The following CEP192 variants were observed in gnomAD, a reference collection of about 807,000 sequenced individuals.
CEP192 encodes the protein centrosomal protein of 192 kDa.
Under a neutral mutation model 271.8 loss-of-function variants are expected in CEP192, and 151 were observed. The ratio of observed to expected loss-of-function variants is 0.56; its 90% CI spans 0.49 to 0.64. CEP192 has a LOEUF of 0.64. CEP192 is among the 30% of genes least tolerant of loss of function. The pLI, the probability that CEP192 is intolerant of heterozygous loss-of-function variation, is 0.00. For missense variants in CEP192, 2,910 were observed against 3,020.5 expected, an observed-to-expected ratio of 0.96 and a Z score of 0.86; for synonymous variants, 995 against 1,076.5, an observed-to-expected ratio of 0.92 and a Z score of 1.48.
intron 36 of CEP192, 129 bp from the exon 37 acceptor site, chr18:13,099,347 G>T (rs2039596547): frequency 3.4e-6 from 2 of 585,490 alleles, no homozygotes; most frequent in Non-Finnish European, 5.9e-6. Context: ...ATGGGAGTGA[G>T]CTCTGTTCTC....
chr18:13,084,608 A>G (rs1305998738), intron 30 of CEP192, among the ~76,000 whole-genome samples: 14 of 152,116 alleles, frequency 9.2e-5, no homozygotes, highest in Non-Finnish European at 1.8e-4. Flanking sequence ...GCCCTGCTTC[A>G]GCTCACCCTC....
At chr18:13,030,090 C>T (rs2035531519) in intron 10 of CEP192, 88 bp downstream of exon 10, 1 of 1,054,994 alleles carries the variant, frequency 9.5e-7, no homozygotes, top group South Asian at 1.7e-5. Context: ...ATGTGCCAGT[C>T]TTTCCTGTTG....
At chr18:13,070,099 T>G (rs1020441902) in intron 27 of CEP192, among the ~76,000 whole-genome samples, 1 of 151,848 alleles carries the variant, frequency 6.6e-6, no homozygotes, top group African/African-American at 2.4e-5. Context: ...AGGCGGAGGT[T>G]GCAGTGAGCC....
intron 11 of CEP192, 92 bp downstream of exon 11, chr18:13,030,700 C>A: frequency 1.1e-6 from 1 of 931,418 alleles, no homozygotes; most frequent in Non-Finnish European, 1.6e-6. Flanking sequence ...CACATCAGAT[C>A]CCTTCTGGAC....
At chr18:13,116,624 T>C (rs2040442819) in intron 43 of CEP192, 121 bp downstream of exon 43, 1 of 985,680 alleles carries the variant, frequency 1.0e-6, no homozygotes. Flanking sequence ...AATTTTTCTT[T>C]TTTTGGAGAT....
intron 32 of CEP192, among the ~76,000 whole-genome samples, chr18:13,088,177 C>T (rs920453045): frequency 2.0e-5 from 3 of 152,068 alleles, no homozygotes; most frequent in African/African-American, 7.2e-5. Flanking sequence ...AAATATAGGG[C>T]GGGCTGTGTG....
rs545854471 is a variant in CEP192, at chr18:13,095,668, A to G, written c.6420A>G (p.Val2140=). ...TCCTACCCGAGCACTTGATTCTGGTAGCTCCTTCTCCTTGTGAGTATGTCA... is the reference window on the plus strand; with the variant it reads ...TCCTACCCGAGCACTTGATTCTGGTGGCTCCTTCTCCTTGTGAGTATGTCA... ...WTVLPEHLIL[V]APSPCDMAKT... is the part of the protein sequence containing the mutation. Residue 2140 remains valine, a synonymous_variant, in exon 35 of 45, where the codon GTA becomes GTG. Coordinates refer to ENST00000506447, the MANE Select transcript of CEP192 (RefSeq NM_032142.4). The G allele has an allele frequency of 1.9e-6, 3 of 1,612,794 alleles. No individual in the cohort carries two copies. The South Asian group carries it at 3.3e-5, about 18-fold the overall frequency.
intron 36 of CEP192, among the ~76,000 whole-genome samples, chr18:13,098,089 C>T (rs938853826): frequency 7.2e-5 from 11 of 152,228 alleles, no homozygotes; most frequent in Admixed American, 7.2e-4. Flanking sequence ...AATCTTTTCC[C>T]CACCTTTCCC....
rs752475527 is a variant in CEP192 at position 13,042,243 on chromosome 18, G to A, written c.1976G>A (p.Gly659Glu). The A allele has an allele frequency of 3.7e-6, 6 of 1,612,222 alleles. No individual in the cohort carries two copies. Among genetic ancestry groups the A allele is most frequent in the Middle Eastern group, 1.6e-4 (1 of 6,084 alleles). The change falls in exon 15 of 45, where the codon GGA becomes GAA. Residue 659 changes from glycine (G) to glutamate (E), a missense_variant. By Grantham distance (98) the Gly-to-Glu change is moderately conservative (BLOSUM62 -2). Coordinates refer to ENST00000506447, the MANE Select transcript of CEP192 (RefSeq NM_032142.4). ...CAGTCCCAGGCACAGCTAAGTGAAG[G>A]ATCAATTACACTTCAGGTTGAAGCA... Reference protein sequence around the residue: ...NEQSQAQLSEGSITLQVEAVE... With the variant: ...NEQSQAQLSEESITLQVEAVE...
At chr18:13,091,595 T>C (rs2039149073) in intron 33 of CEP192, among the ~76,000 whole-genome samples, 1 of 152,238 alleles carries the variant, frequency 6.6e-6, no homozygotes, top group African/African-American at 2.4e-5. Flanking sequence ...GCATGTATTT[T>C]TGTAGTTGAT....
Position 13,052,925 on chromosome 18 carries a change from G to T in CEP192, c.3024G>T (p.Ala1008=), listed in dbSNP as rs369556943. The T allele has an allele frequency of 2.5e-6, 4 of 1,603,324 alleles. No homozygotes were observed. Among genetic ancestry groups the T allele is most frequent in the Non-Finnish European group, 3.4e-6 (4 of 1,173,890 alleles). ...AGCTACTCTTCTCTTTCAGGTGTGC[G>T]TTAGAGTCCTTTGGTTCAGCAGCTC... is the stretch of plus-strand genomic sequence containing the variant. ...EISGTSSSGC[A]LESFGSAAQQ... Residue 1008 remains alanine (A), a synonymous_variant, in exon 18 of 45, where the codon GCG becomes GCT. Transcript: ENST00000506447.
rs1275047470 is a variant in CEP192, at chr18:13,048,862, A to G, written c.2071A>G (p.Thr691Ala). The G allele has an allele frequency of 1.3e-6, 2 of 1,589,012 alleles. No individual in the cohort carries two copies. The highest frequency in any genetic ancestry group is 1.7e-6 in the Non-Finnish European group (2 of 1,165,004). The change falls in exon 16 of 45, where the codon ACT becomes GCT. Residue 691 changes from threonine (T) to alanine (A), a missense_variant. Physicochemically the swap from Thr to Ala is moderately conservative, Grantham distance 58. Coordinates refer to ENST00000506447, the MANE Select transcript of CEP192 (RefSeq NM_032142.4). ...LTADKGKTED[T>A]FFMSNKPQRY... is the part of the protein sequence containing the mutation. Reference sequence around the variant, plus strand: ...TGTTTAATTTTCTCACTTCTAGGACACTTTCTTCATGAGCAACAAACCCCA... The same window carrying G: ...TGTTTAATTTTCTCACTTCTAGGACGCTTTCTTCATGAGCAACAAACCCCA...
intron 13 of CEP192, among the ~76,000 whole-genome samples, 195 bp from the exon 14 acceptor site, chr18:13,040,635 A>G (rs2036151482): frequency 6.6e-6 from 1 of 152,158 alleles, no homozygotes; most frequent in African/African-American, 2.4e-5. Flanking sequence ...TCTAATGGTT[A>G]AAAGGTAGCT....
intron 30 of CEP192, among the ~76,000 whole-genome samples, chr18:13,083,630 G>A (rs2038742993): frequency 6.6e-6 from 1 of 152,202 alleles, no homozygotes; most frequent in African/African-American, 2.4e-5. Context: ...GCTCATCAAA[G>A]TCATTGTCCA....
At chr18:13,097,899 A>G (rs907688349) in intron 36 of CEP192, among the ~76,000 whole-genome samples, 23 of 152,216 alleles carry the variant, frequency 1.5e-4, no homozygotes, top group African/African-American at 5.1e-4. Flanking sequence ...ATCTTGCACC[A>G]CCCTTAATCC....
chr18:13,028,766 C>T (rs576813619), intron 9 of CEP192, among the ~76,000 whole-genome samples: 6 of 152,208 alleles, frequency 3.9e-5, no homozygotes, highest in South Asian at 2.1e-4. Flanking sequence ...GTGATCCGTC[C>T]GCCTCGGCCT....
intron 9 of CEP192, among the ~76,000 whole-genome samples, chr18:13,025,720 A>G (rs1174010875): frequency 6.6e-6 from 1 of 152,110 alleles, no homozygotes; most frequent in Non-Finnish European, 1.5e-5. Context: ...AATATTCCTA[A>G]TTCTTCCCTC....
chr18:13,121,058 C>T (rs1369351158), intron 44 of CEP192, among the ~76,000 whole-genome samples: 1 of 152,158 alleles, frequency 6.6e-6, no homozygotes, highest in East Asian at 1.9e-4. Flanking sequence ...GTCATGGGGA[C>T]TTACGGCATT....
At chr18:13,124,535 C>A (rs2040817005) in intron 44 of CEP192, 97 bp from the exon 45 acceptor site, 3 of 1,187,100 alleles carry the variant, frequency 2.5e-6, no homozygotes, top group Non-Finnish European at 3.4e-6. Context: ...CTTGACCGAG[C>A]TCTTTCCTCA....
Sources: gnomAD v4.1 joint callset for allele counts (sites outside exome capture counted in the v4.1 genomes callset) on GRCh38, gnomAD v4.1.1 for gene constraint, MANE v1.5 for transcripts, NCBI Gene and HGNC (gene_info 2026-07-23, HGNC 2026-07-21) for gene names.